The following SUMF1 variants were observed in gnomAD, a reference collection of about 807,000 sequenced individuals.
The protein encoded by SUMF1 is sulfatase modifying factor 1, also known as formylglycine-generating enzyme.
SUMF1 carries 48 observed loss-of-function variants against 47.6 expected under a neutral mutation model. The ratio of observed to expected loss-of-function variants is 1.01; its 90% confidence interval spans 0.80 to 1.28. The LOEUF (loss-of-function observed/expected upper bound fraction) is 1.28, where lower values mean the gene tolerates loss of function less well. SUMF1 is among the 50% of genes most tolerant of loss of function. SUMF1 has a pLI of 0.00. For synonymous variants in SUMF1, 230 were observed against 192.1 expected (o/e 1.20, Z -1.63); for missense variants, 571 against 485.4 (o/e 1.18, Z -1.66).
chr3:4,220,200 T>C (rs944487916), intron 8 of SUMF1, among the ~76,000 whole-genome samples: 1 of 152,180 alleles, frequency 6.6e-6, no homozygotes, highest in East Asian at 1.9e-4. Flanking sequence ...GCATATTTCA[T>C]CAGGGCCACA....
chr3:4,096,266 G>A (rs941461334), intron 8 of SUMF1, among the ~76,000 whole-genome samples: 11 of 152,066 alleles, frequency 7.2e-5, no homozygotes, highest in East Asian at 5.8e-4. Context: ...CAGTAAGTAC[G>A]GAGTGAGGAC....
intron 8 of SUMF1, among the ~76,000 whole-genome samples, chr3:4,103,651 A>T (rs1418241327): frequency 3.3e-5 from 5 of 152,148 alleles, no homozygotes; most frequent in Admixed American, 2.6e-4. Flanking sequence ...TTTCACCCCA[A>T]TAGAAAATAA....
At chr3:4,121,646 T>TA (rs1693547432) in intron 8 of SUMF1, among the ~76,000 whole-genome samples, 1 of 152,186 alleles carries the variant, frequency 6.6e-6, no homozygotes, top group Non-Finnish European at 1.5e-5. Flanking sequence ...TTCCTAGGTA[T>TA]ATACCCAAAA....
chr3:4,439,007 G>C (rs1189465540), intron 3 of SUMF1, among the ~76,000 whole-genome samples: 2 of 152,182 alleles, frequency 1.3e-5, no homozygotes, highest in East Asian at 3.9e-4. Flanking sequence ...CAAAATAGCT[G>C]CACGCTAAAA....
chr3:4,241,605 TTTTC>T (rs897469884), intron 8 of SUMF1, among the ~76,000 whole-genome samples: 1 of 152,158 alleles, frequency 6.6e-6, no homozygotes, highest in Non-Finnish European at 1.5e-5. Flanking sequence ...TATAATAAAA[TTTTC>T]TTTCTATCAA....
chr3:4,256,114 C>T lies in SUMF1; in HGVS notation c.1014+120216G>A, dbSNP rs1410420768. On this transcript the variant is annotated intron_variant and NMD_transcript_variant, in intron 8 of 12. Coordinates refer to the SUMF1 transcript ENST00000448413. ...CAGAATCTCTGGGACGCATTCAAAG[C>T]AGTGTGTAGAGGGAAATTTATAGCA... is the stretch of plus-strand genomic sequence containing the variant. Among the ~76,000 whole-genome samples the T allele has an allele frequency of 5.3e-4, 75 of 142,818 alleles. 1 individual carries two copies. The highest frequency in any genetic ancestry group is 1.8e-3 in the African/African-American group (69 of 38,038). The allele number at this position is 142,818 out of a possible 152,430, so 93.7% of individuals were successfully genotyped here. A position where few individuals can be genotyped will look rare whatever the true frequency, so the allele number is the denominator to read the frequency against.
chr3:4,106,529 A>G (rs1298296068), intron 8 of SUMF1, among the ~76,000 whole-genome samples: 1 of 152,156 alleles, frequency 6.6e-6, no homozygotes, highest in Non-Finnish European at 1.5e-5. Context: ...CAGATAGGAA[A>G]TTCCAACTGT....
intron 8 of SUMF1, among the ~76,000 whole-genome samples, chr3:4,174,366 A>T (rs2125126980): frequency 6.6e-6 from 1 of 151,754 alleles, no homozygotes; most frequent in Non-Finnish European, 1.5e-5. Flanking sequence ...CAAAAAAAAA[A>T]AAAAAAAAAA....
chr3:4,434,717 C>T (rs1191695576), intron 3 of SUMF1, among the ~76,000 whole-genome samples: 1 of 151,878 alleles, frequency 6.6e-6, no homozygotes, highest in African/African-American at 2.4e-5. Context: ...GTTGTGCTGG[C>T]ATGAAAAAAA....
rs114929819 is a variant in SUMF1 at position 4,453,285 on chromosome 3, A to G, written c.271-236T>C. ...TTAATCAAACCACTACTTGATACAAATCTGTACCTGCACTGGAAACAGGTC... is the reference window on the plus strand; with the variant it reads ...TTAATCAAACCACTACTTGATACAAGTCTGTACCTGCACTGGAAACAGGTC... On this transcript the variant is annotated intron_variant, in intron 1 of 8. Transcript: ENST00000272902. Among the ~76,000 whole-genome samples the G allele has an allele frequency of 4.4e-3, 663 of 152,306 alleles. 4 individuals carry two copies. Among genetic ancestry groups the G allele is most frequent in the African/African-American group, 0.015 (610 of 41,560 alleles).
intron 9 of SUMF1, among the ~76,000 whole-genome samples, chr3:4,047,920 T>A (rs1482066611): frequency 6.6e-6 from 1 of 152,140 alleles, no homozygotes; most frequent in Non-Finnish European, 1.5e-5. Context: ...CTTTTATCAT[T>A]TCATCTTTAC....
At chr3:4,154,929 AAGG>A (rs1415202191) in intron 8 of SUMF1, among the ~76,000 whole-genome samples, 1 of 151,496 alleles carries the variant, frequency 6.6e-6, no homozygotes, top group Non-Finnish European at 1.5e-5. Flanking sequence ...GTCAGCAAGG[AAGG>A]AGATCACTGT....
Position 4,361,340 on chromosome 3 carries a change from C to G in SUMF1, c.*804G>C, listed in dbSNP as rs969667959. 2 of 152,628 alleles carry G rather than the reference C, an allele frequency of 1.3e-5. No individual in the cohort carries two copies. The highest frequency in any genetic ancestry group is 2.9e-5 in the Non-Finnish European group (2 of 68,046). 9.5% of individuals were successfully genotyped at this position (152,628 alleles called of 1,614,324 possible). A position where few individuals can be genotyped will look rare whatever the true frequency, so the allele number is the denominator to read the frequency against. The stretch of plus-strand genomic sequence containing the variant: ...CCGTTTAGCGCACATTTCACGTTCG[C>G]TGAAGGCTTTGGGGAGAGGGGGAAA... On this transcript the variant is annotated 3_prime_UTR_variant, in exon 9 of 9. Transcript: ENST00000272902.
chr3:4,378,070 G>A (rs1250001933), intron 7 of SUMF1, among the ~76,000 whole-genome samples: 1 of 152,152 alleles, frequency 6.6e-6, no homozygotes, highest in Non-Finnish European at 1.5e-5. Flanking sequence ...TCCTTAGCAT[G>A]GGATTAGGTC....
At chr3:4,039,209 A>ATTTTTTTTTT (rs775459424) in intron 9 of SUMF1, among the ~76,000 whole-genome samples, 59 of 39,490 alleles carry the variant, frequency 1.5e-3, no homozygotes, top group East Asian at 4.9e-3. Flanking sequence ...ATCTATGCAA[A>ATTTTTTTTTT]TTTTTTTTTT....
At chr3:4,272,322 A>G (rs1697320617) in intron 8 of SUMF1, among the ~76,000 whole-genome samples, 1 of 152,322 alleles carries the variant, frequency 6.6e-6, no homozygotes, top group African/African-American at 2.4e-5. Context: ...TGTGGTTCCA[A>G]CAAGGGCTTT....
intron 8 of SUMF1, among the ~76,000 whole-genome samples, chr3:4,131,318 C>T (rs1693783124): frequency 1.3e-5 from 2 of 152,134 alleles, no homozygotes; most frequent in African/African-American, 4.8e-5. Flanking sequence ...CCATTTCTGC[C>T]ACCCTGCCTG....
At chr3:4,263,839 A>G (rs1019067003) in intron 8 of SUMF1, among the ~76,000 whole-genome samples, 1 of 152,162 alleles carries the variant, frequency 6.6e-6, no homozygotes, top group Non-Finnish European at 1.5e-5. Context: ...CCATTTCTAC[A>G]TATTTATAAT....
intron 8 of SUMF1, among the ~76,000 whole-genome samples, chr3:4,090,154 A>C (rs954810238): frequency 3.3e-5 from 5 of 152,118 alleles, no homozygotes; most frequent in Non-Finnish European, 7.3e-5. Context: ...ATAATATGTA[A>C]TTTGAGCGCA....
Sources: gnomAD v4.1 joint callset for allele counts (sites outside exome capture counted in the v4.1 genomes callset) on GRCh38, gnomAD v4.1.1 for gene constraint, MANE v1.5 for transcripts, NCBI Gene and HGNC (gene_info 2026-07-23, HGNC 2026-07-21) for gene names.